GLYR1: variants seen among roughly 807,000 people sequenced by gnomAD.
GLYR1 encodes the protein glyoxylate reductase 1 homolog.
Under a neutral mutation model 72.7 loss-of-function variants are expected in GLYR1, and 21 were observed. The observed-to-expected ratio is 0.29, with a 90% CI of 0.20 to 0.42. GLYR1 has a LOEUF of 0.42. Ranked by LOEUF, GLYR1 falls within the 10% of genes least tolerant of loss-of-function variation. The pLI is 1.00. For missense variants in GLYR1, 594 were observed against 712.1 expected (o/e 0.83, Z 1.89); for synonymous variants, 392 against 270.2 (o/e 1.45, Z -4.42).
In GLYR1 at chr16:4,845,099, C is replaced by G; in HGVS notation, c.130G>C (p.Val44Leu). 6.2e-7 allele frequency: 1 copy of G among 1,613,972 alleles called. No homozygotes were observed. The highest frequency in any genetic ancestry group is 8.5e-7 in the Non-Finnish European group (1 of 1,179,860). The change falls in exon 3 of 16, where the codon GTG (valine) becomes CTG (leucine). Residue 44 changes from valine (V) to leucine (L), a missense_variant. By Grantham distance (32) the Val-to-Leu change is conservative (BLOSUM62 1). Coordinates refer to ENST00000321919, the MANE Select transcript of GLYR1 (RefSeq NM_032569.4). The part of the protein sequence containing the change: ...KKPRGKKCFF[V>L]KFFGTEDHAW... ...TGATCTTCTGTTCCAAAAAATTTCA[C>G]AAAGAAGCATTTCTTTCCGCGAGGT...
chr16:4,843,613 G>A (rs1351304740), intron 3 of GLYR1: 31 of 1,288,974 alleles, frequency 2.4e-5, no homozygotes, highest in African/African-American at 3.0e-5. Context: ...CTGTAAACAT[G>A]AAACCAGGAA....
intron 10 of GLYR1, 76 bp from the exon 11 acceptor site, chr16:4,814,723 G>A (rs968760351): frequency 1.1e-5 from 13 of 1,189,760 alleles, no homozygotes; most frequent in Non-Finnish European, 1.5e-5. Flanking sequence ...GAGAATTGCT[G>A]ACCAGGCCTC....
At chr16:4,838,896 C>T (rs1173612250) in intron 3 of GLYR1, among the ~76,000 whole-genome samples, 1 of 151,958 alleles carries the variant, frequency 6.6e-6, no homozygotes, top group Non-Finnish European at 1.5e-5. Flanking sequence ...CAAAACTCTT[C>T]TTTTTTAAAA....
At chr16:4,817,903 G>C in intron 9 of GLYR1, 3 of 542,132 alleles carry the variant, frequency 5.5e-6, no homozygotes, top group Non-Finnish European at 9.9e-6. Context: ...AGCTGTCCCA[G>C]GATGTAAACA....
chr16:4,836,681 C>A (rs2085154747), intron 3 of GLYR1, among the ~76,000 whole-genome samples: 1 of 152,124 alleles, frequency 6.6e-6, no homozygotes, highest in East Asian at 1.9e-4. Flanking sequence ...ATGGACTGAC[C>A]ACGCACTGAT....
intron 3 of GLYR1, among the ~76,000 whole-genome samples, chr16:4,838,040 T>C (rs552955367): frequency 5.3e-5 from 8 of 152,096 alleles, no homozygotes; most frequent in Non-Finnish European, 1.0e-4. Flanking sequence ...GCTTCTCCAT[T>C]TGGATTTGGT....
At chr16:4,808,686 G>A (rs1310579837) in intron 15 of GLYR1, among the ~76,000 whole-genome samples, 2 of 151,694 alleles carry the variant, frequency 1.3e-5, no homozygotes, top group African/African-American at 4.9e-5. Context: ...GTTTCACAAA[G>A]TGTCATTTTT....
intron 11 of GLYR1, 118 bp downstream of exon 11, chr16:4,814,419 G>A: frequency 1.3e-6 from 1 of 761,356 alleles, no homozygotes; most frequent in Non-Finnish European, 2.3e-6. Flanking sequence ...GCCCCTGATG[G>A]GAAATTCAGC....
chr16:4,817,089 G>C (rs536313206), intron 10 of GLYR1, among the ~76,000 whole-genome samples: 1 of 151,632 alleles, frequency 6.6e-6, no homozygotes, highest in South Asian at 2.1e-4. Flanking sequence ...GACTACAGGT[G>C]AACGCCACCA....
At chr16:4,836,955 G>A (rs893950502) in intron 3 of GLYR1, among the ~76,000 whole-genome samples, 10 of 152,108 alleles carry the variant, frequency 6.6e-5, no homozygotes, top group African/African-American at 2.4e-4. Context: ...CTGGCTGCTG[G>A]CATAACTGCA....
chr16:4,835,719 T>C (rs999988143), intron 3 of GLYR1, among the ~76,000 whole-genome samples: 1 of 152,120 alleles, frequency 6.6e-6, no homozygotes, highest in Non-Finnish European at 1.5e-5. Flanking sequence ...TAATCCCAGC[T>C]ACTCGGAAGG....
chr16:4,844,723 C>T (rs929809344), intron 3 of GLYR1, among the ~76,000 whole-genome samples: 1 of 152,252 alleles, frequency 6.6e-6, no homozygotes, highest in Non-Finnish European at 1.5e-5. Flanking sequence ...ACTGCCTCTG[C>T]ACTCCAGGCT....
Position 4,811,961 on chromosome 16 carries a change from C to G in GLYR1, c.1282+125G>C, listed in dbSNP as rs2083344507. The stretch of plus-strand genomic sequence containing the variant: ...TTCCTCCTTCCACGCACTGACTATG[C>G]AGGTGAAAGGAAACCTTCCCCAGGG... On this transcript the variant is annotated intron_variant, in intron 13 of 15. Transcript: ENST00000321919. 3.5e-6 allele frequency: 5 copies of G among 1,430,338 alleles called. No homozygotes were observed. In the Admixed American group the frequency reaches 8.6e-5, roughly 25 times the overall value. 88.6% of individuals were successfully genotyped at this position (1,430,338 alleles called of 1,614,324 possible).
At chr16:4,818,950 C>T (rs2083827781) in intron 9 of GLYR1, among the ~76,000 whole-genome samples, 1 of 152,154 alleles carries the variant, frequency 6.6e-6, no homozygotes, top group Non-Finnish European at 1.5e-5. Context: ...CACACACATT[C>T]ACATACTCCG....
intron 3 of GLYR1, 74 bp downstream of exon 3, chr16:4,844,999 TA>T (rs2085889610): frequency 1.9e-5 from 18 of 953,180 alleles, no homozygotes; most frequent in Non-Finnish European, 3.0e-5. Context: ...ATCCTTAGAA[TA>T]TTTTCAAAGC....
At chr16:4,840,532 A>AAC (rs149789441) in intron 3 of GLYR1, among the ~76,000 whole-genome samples, 185 of 151,420 alleles carry the variant, frequency 1.2e-3, no homozygotes, top group African/African-American at 3.5e-3. Context: ...TTTTCAAACA[A>AAC]ACACACACAC....
At chr16:4,817,736 G>A in intron 9 of GLYR1, 39 bp from the exon 10 acceptor site, 1 of 1,214,646 alleles carries the variant, frequency 8.2e-7, no homozygotes, top group East Asian at 2.3e-5. Context: ...GGGTGGAAAG[G>A]GAGGGTCACG....
Position 4,803,442 on chromosome 16 carries a change from C to T in GLYR1, c.*1794G>A, listed in dbSNP as rs1407626147. 1 of 152,554 alleles carries T rather than the reference C, an allele frequency of 6.6e-6. No homozygotes were observed. The highest frequency in any genetic ancestry group is 1.5e-5 in the Non-Finnish European group (1 of 68,024). The allele number at this position is 152,554 out of a possible 1,614,324, so 9.5% of individuals were successfully genotyped here. On this transcript the variant is annotated 3_prime_UTR_variant, in exon 16 of 16. Transcript: ENST00000321919. ...TTTTTCACAAGTGTCACATTTTCTC[C>T]TTAAAAGGGAAGGATTTCAAAAGAA...
rs1201619412 is a variant in GLYR1 at position 4,803,239 on chromosome 16, G to A, written c.*1997C>T. The A allele has an allele frequency of 6.6e-6, 1 of 152,666 alleles. No individual in the cohort carries two copies. The highest frequency in any genetic ancestry group is 1.9e-4 in the East Asian group (1 of 5,200). 9.5% of individuals were successfully genotyped at this position (152,666 alleles called of 1,614,324 possible). ...GAAGTGTTTTATTTTTCTTGCAGTA[G>A]CTTTGTTAATTGCACAAAATCATGT... On this transcript the variant is annotated 3_prime_UTR_variant, in exon 16 of 16. Coordinates refer to ENST00000321919, the MANE Select transcript of GLYR1 (RefSeq NM_032569.4).
Sources: allele counts gnomAD v4.1 joint callset (sites outside exome capture counted in the v4.1 genomes callset), GRCh38; gene constraint gnomAD v4.1.1; transcripts MANE v1.5; gene names NCBI Gene and HGNC (gene_info 2026-07-23, HGNC 2026-07-21).